Variants in ATP9B observed in about 807,000 individuals in gnomAD.
ATP9B encodes probable phospholipid-transporting ATPase IIB.
A neutral mutation model predicts 146.1 loss-of-function variants in ATP9B; 110 were observed. That is an observed-to-expected ratio of 0.75 (90% CI 0.65 to 0.88). ATP9B has a LOEUF of 0.88. ATP9B is among the 40% of genes least tolerant of loss of function. ATP9B has a pLI of 0.00. For synonymous variants in ATP9B, 604 were observed against 569.7 expected (o/e 1.06, Z -0.86); for missense variants, 1,499 against 1,496.4 (o/e 1.00, Z -0.03).
intron 12 of ATP9B, among the ~76,000 whole-genome samples, chr18:79,257,825 A>G (rs1023468601): frequency 1.3e-5 from 2 of 152,182 alleles, no homozygotes; most frequent in African/African-American, 2.4e-5. Context: ...GATTTCTTTC[A>G]GTTCTAGAAT....
At chr18:79,092,639 A>ATTTT (rs1223830353) in intron 1 of ATP9B, among the ~76,000 whole-genome samples, 1 of 138,348 alleles carries the variant, frequency 7.2e-6, no homozygotes, top group African/African-American at 2.8e-5. Flanking sequence ...TTTTACTTAA[A>ATTTT]CTTTTTTTTT....
intron 4 of ATP9B, among the ~76,000 whole-genome samples, chr18:79,125,657 G>A (rs2094272435): frequency 6.6e-6 from 1 of 152,108 alleles, no homozygotes; most frequent in Non-Finnish European, 1.5e-5. Flanking sequence ...CTTCATATTA[G>A]TGGTATAATG....
intron 7 of ATP9B, among the ~76,000 whole-genome samples, chr18:79,165,854 G>A (rs1041163945): frequency 1.3e-5 from 2 of 152,122 alleles, no homozygotes; most frequent in Admixed American, 1.3e-4. Flanking sequence ...CTTGGCCTAG[G>A]GCACTAACAT....
chr18:79,143,903 T>A, intron 6 of ATP9B, 43 bp downstream of exon 6: 1 of 1,247,302 alleles, frequency 8.0e-7, no homozygotes, highest in African/African-American at 1.5e-5. Flanking sequence ...GTATGCTAGT[T>A]ATTAATGTTT....
At chr18:79,249,569 T>G (rs935266018) in intron 11 of ATP9B, among the ~76,000 whole-genome samples, 8 of 152,230 alleles carry the variant, frequency 5.3e-5, no homozygotes, top group African/African-American at 1.9e-4. Flanking sequence ...ATGGCAAAAG[T>G]TATCTGGTCT....
At chr18:79,283,268 G>A (rs938900467) in intron 13 of ATP9B, among the ~76,000 whole-genome samples, 10 of 152,144 alleles carry the variant, frequency 6.6e-5, no homozygotes, top group Admixed American at 3.9e-4. Flanking sequence ...ATTATAAAGC[G>A]TCCTGGTTCT....
intron 1 of ATP9B, among the ~76,000 whole-genome samples, chr18:79,091,670 T>G (rs1339141289): frequency 6.6e-6 from 1 of 152,246 alleles, no homozygotes; most frequent in African/African-American, 2.4e-5. Flanking sequence ...CTAATAGTTT[T>G]CTTGTGAAAT....
At chr18:79,152,024 C>T (rs974322903) in intron 6 of ATP9B, among the ~76,000 whole-genome samples, 5 of 152,150 alleles carry the variant, frequency 3.3e-5, no homozygotes, top group African/African-American at 1.2e-4. Context: ...AGGATATGAA[C>T]AGACGCTTCT....
Position 79,126,383 on chromosome 18 carries a change from A to G in ATP9B, c.667+8A>G. 6.3e-7 allele frequency: 1 copy of G among 1,585,978 alleles called. No homozygotes were observed. Among genetic ancestry groups the G allele is most frequent in the Non-Finnish European group, 8.6e-7 (1 of 1,156,648 alleles). On this transcript the variant is annotated splice_region_variant and intron_variant, in intron 5 of 29. Transcript: ENST00000426216. ...GCAAGCTTACAGTAAGAGGTCAGCA[A>G]GATGCTTTAATCCTGCTTAGCGTTT...
intron 19 of ATP9B, 95 bp downstream of exon 19, chr18:79,337,544 T>C: frequency 6.7e-7 from 1 of 1,487,354 alleles, no homozygotes; most frequent in Admixed American, 2.2e-5. Context: ...TCCTGTGGGG[T>C]CATGGATGTG....
chr18:79,135,238 C>T (rs1444219376), intron 5 of ATP9B, among the ~76,000 whole-genome samples: 1 of 152,194 alleles, frequency 6.6e-6, no homozygotes, highest in African/African-American at 2.4e-5. Context: ...TTTTATATTA[C>T]TTAACATGAA....
At chr18:79,190,263 A>G (rs995215417) in intron 8 of ATP9B, among the ~76,000 whole-genome samples, 3 of 152,286 alleles carry the variant, frequency 2.0e-5, no homozygotes, top group Non-Finnish European at 4.4e-5. Context: ...ATGTCTACAT[A>G]CATTTTATGT....
chr18:79,206,445 T>C (rs1403411305), intron 9 of ATP9B, among the ~76,000 whole-genome samples: 1 of 152,086 alleles, frequency 6.6e-6, no homozygotes, highest in Admixed American at 6.6e-5. Context: ...CTTGTGGTTA[T>C]TTCTGTGCTA....
intron 12 of ATP9B, among the ~76,000 whole-genome samples, chr18:79,257,558 TG>T (rs2096095276): frequency 6.6e-6 from 1 of 152,242 alleles, no homozygotes; most frequent in South Asian, 2.1e-4. Context: ...GGGGCTTCCC[TG>T]GCCTGGTGTT....
At chr18:79,372,426 A>T (rs2097077162) in intron 26 of ATP9B, 1 of 362,236 alleles carries the variant, frequency 2.8e-6, no homozygotes, top group Non-Finnish European at 5.5e-6. Flanking sequence ...GTATCTTTTG[A>T]TCTGAAAAAA....
intron 13 of ATP9B, among the ~76,000 whole-genome samples, chr18:79,284,780 C>G (rs1463918614): frequency 6.7e-6 from 1 of 150,106 alleles, no homozygotes; most frequent in African/African-American, 2.5e-5. Flanking sequence ...CCCACCCCAC[C>G]CCACAACAGT....
intron 9 of ATP9B, among the ~76,000 whole-genome samples, chr18:79,194,193 G>A (rs2095396288): frequency 1.3e-5 from 2 of 152,012 alleles, no homozygotes; most frequent in Non-Finnish European, 2.9e-5. Context: ...TTAAACAAAA[G>A]TAGTTACTAT....
At position 79,202,978 on chromosome 18, in the gene ATP9B, A is replaced by C. The variant is rs994442667; in HGVS notation, c.955-3959A>C. ...GGACTTTGACATTAGGAGAAAATAT[A>C]GTACTAAAAGATTGACATGCATCAA... is the stretch of plus-strand genomic sequence containing the variant. On this transcript the variant is annotated intron_variant, in intron 9 of 29. Coordinates refer to ENST00000426216, the MANE Select transcript of ATP9B (RefSeq NM_198531.5). Among the ~76,000 whole-genome samples, 11 of 152,352 alleles carry C rather than the reference A, an allele frequency of 7.2e-5. No individual in the cohort carries two copies. In the East Asian group the frequency reaches 1.9e-3, roughly 27 times the overall value.
chr18:79,198,047 A>G (rs1299224352), intron 9 of ATP9B, among the ~76,000 whole-genome samples: 1 of 152,208 alleles, frequency 6.6e-6, no homozygotes, highest in African/African-American at 2.4e-5. Context: ...TCATGGAACA[A>G]TCCCAACTAT....
Sources: allele counts gnomAD v4.1 joint callset (sites outside exome capture counted in the v4.1 genomes callset), GRCh38; gene constraint gnomAD v4.1.1; transcripts MANE v1.5; gene names NCBI Gene and HGNC (gene_info 2026-07-23, HGNC 2026-07-21).